Variants in PRKG1 observed in about 807,000 individuals in gnomAD.
PRKG1 encodes cGMP-dependent protein kinase 1.
PRKG1 carries 35 observed loss-of-function variants against 88.1 expected under a neutral mutation model. That is an observed-to-expected ratio of 0.40 (90% CI 0.30 to 0.53). The LOEUF (loss-of-function observed/expected upper bound fraction) is 0.53. Ranked by LOEUF, PRKG1 falls within the 20% of genes least tolerant of loss-of-function variation. The pLI is 0.59. For synonymous variants in PRKG1, 303 were observed against 292.5 expected (o/e 1.04, Z -0.37); for missense variants, 540 against 839.8 (o/e 0.64, Z 4.41).
In PRKG1 at chr10:50,991,648, G is replaced by C. The variant is rs570323102; in HGVS notation, c.266+4G>C. The C allele has an allele frequency of 1.3e-5, 19 of 1,506,124 alleles. No individual in the cohort carries two copies. The South Asian group carries it at 1.9e-4, about 15-fold the overall frequency. 93.3% of individuals were successfully genotyped at this position (1,506,124 alleles called of 1,614,324 possible). On this transcript the variant is annotated splice_donor_region_variant and intron_variant, in intron 1 of 17. Transcript: ENST00000401604. This position sits in a 1 kb window ranked among gnomAD's most constrained non-coding sequence, Gnocchi z 4.5. ...GGAAGTTCACCAAGTCCGAAAGGTA[G>C]GCGCGGAGGCCGTGGGCCCGGGCGC...
chr10:52,265,149 CT>C (rs1841539824), intron 10 of PRKG1, among the ~76,000 whole-genome samples: 1 of 152,020 alleles, frequency 6.6e-6, no homozygotes, highest in Non-Finnish European at 1.5e-5. Context: ...GAAAAGTGGT[CT>C]GAGGCCCAGT....
At chr10:51,157,970 T>C (rs1398412281) in intron 2 of PRKG1, among the ~76,000 whole-genome samples, 1 of 151,958 alleles carries the variant, frequency 6.6e-6, no homozygotes, top group Non-Finnish European at 1.5e-5. Context: ...ATCAGGGTAA[T>C]TGGCATATCC....
chr10:51,374,093 A>AAAAAAATATATATATATATATATAT, intron 2 of PRKG1, among the ~76,000 whole-genome samples: 117 of 100,106 alleles, frequency 1.2e-3, no homozygotes, highest in African/African-American at 2.9e-3. Context: ...AAAAAAAAAA[A>AAAAAAATATATATATATATATATAT]ATATATATAT....
In PRKG1 at chr10:51,265,904, G is replaced by T. The variant is rs879319886; in HGVS notation, c.478+112574G>T. On this transcript the variant is annotated intron_variant, in intron 2 of 17. Transcript: ENST00000373980. ...ACTCATTCATTTGGAAAATGATTGG[G>T]TGTATTTAAGGAACTACAGTTTGTT... Among the ~76,000 whole-genome samples the T allele has an allele frequency of 3.3e-5, 5 of 152,182 alleles. No individual in the cohort carries two copies. The South Asian group carries it at 6.2e-4, about 19-fold the overall frequency.
intron 3 of PRKG1, among the ~76,000 whole-genome samples, chr10:51,754,378 G>T (rs1443234431): frequency 6.6e-6 from 1 of 152,076 alleles, no homozygotes; most frequent in Non-Finnish European, 1.5e-5. Flanking sequence ...ACTTCTGCTG[G>T]TGACCTATCA....
intron 3 of PRKG1, among the ~76,000 whole-genome samples, chr10:51,602,551 G>A (rs983124151): frequency 6.6e-6 from 1 of 151,772 alleles, no homozygotes; most frequent in Admixed American, 6.6e-5. Context: ...TCAGCCTCGT[G>A]AGTAGCTGGA....
chr10:51,900,755 C>A (rs1841962429), intron 4 of PRKG1, among the ~76,000 whole-genome samples: 1 of 151,910 alleles, frequency 6.6e-6, no homozygotes, highest in Non-Finnish European at 1.5e-5. Context: ...AAATAGGCTG[C>A]CAAAACCCAT....
intron 3 of PRKG1, among the ~76,000 whole-genome samples, chr10:51,523,773 G>A (rs975282958): frequency 2.6e-5 from 4 of 152,178 alleles, no homozygotes; most frequent in Admixed American, 1.3e-4. Flanking sequence ...AAGCATTAAA[G>A]TGGAAAATAA....
At chr10:51,530,413 C>T (rs971608464) in intron 3 of PRKG1, among the ~76,000 whole-genome samples, 7 of 152,054 alleles carry the variant, frequency 4.6e-5, no homozygotes, top group Admixed American at 2.6e-4. Context: ...CTGCAACTCT[C>T]GGGTGGGCAA....
At chr10:52,088,439 C>T (rs1846970898) in intron 7 of PRKG1, among the ~76,000 whole-genome samples, 1 of 151,918 alleles carries the variant, frequency 6.6e-6, no homozygotes, top group Admixed American at 6.6e-5. Flanking sequence ...GTGTCCTCTT[C>T]AAAATCCATG....
intron 3 of PRKG1, among the ~76,000 whole-genome samples, chr10:51,679,275 A>G (rs1840786063): frequency 6.6e-6 from 1 of 152,038 alleles, no homozygotes; most frequent in Non-Finnish European, 1.5e-5. Flanking sequence ...GAAGTAACCT[A>G]TTGCTTTTTT....
intron 2 of PRKG1, among the ~76,000 whole-genome samples, chr10:51,301,371 A>G (rs1840880530): frequency 6.6e-6 from 1 of 152,152 alleles, no homozygotes; most frequent in African/African-American, 2.4e-5. Flanking sequence ...GAGGGAAAAA[A>G]AATGCCTAAA....
In PRKG1 at chr10:51,565,889, G is replaced by A. The variant is rs7904162; in HGVS notation, c.592+98053G>A. Among the ~76,000 whole-genome samples the A allele has an allele frequency of 2.6e-5, 4 of 152,092 alleles. No homozygotes were observed. In the East Asian group the frequency reaches 5.8e-4, roughly 22 times the overall value. On this transcript the variant is annotated intron_variant, in intron 3 of 17. Transcript: ENST00000373980. ...AGTAACTAACCCATTTGGGAAATAC[G>A]CAATAATGAAGTTGGCAGTGTTTTT... is the stretch of plus-strand genomic sequence containing the variant.
At chr10:51,741,689 A>C (rs77323591) in intron 3 of PRKG1, among the ~76,000 whole-genome samples, 2,083 of 151,626 alleles carry the variant, frequency 0.014, 23 homozygotes, top group Admixed American at 0.023. Context: ...TAGGAGGGGA[A>C]TATGGCTAGG....
At chr10:51,613,337 T>C (rs938743635) in intron 3 of PRKG1, among the ~76,000 whole-genome samples, 5 of 151,972 alleles carry the variant, frequency 3.3e-5, no homozygotes, top group African/African-American at 1.2e-4. Flanking sequence ...CTGGTGGTCT[T>C]TTGTATTTCT....
intron 3 of PRKG1, among the ~76,000 whole-genome samples, chr10:51,589,711 A>C (rs1233088456): frequency 6.6e-6 from 1 of 152,216 alleles, no homozygotes; most frequent in African/African-American, 2.4e-5. Context: ...ATGCACCTTC[A>C]CTTTCATTTT....
intron 1 of PRKG1, among the ~76,000 whole-genome samples, chr10:51,117,063 C>G (rs539691319): frequency 8.3e-4 from 127 of 152,256 alleles, no homozygotes; most frequent in African/African-American, 3.0e-3. Flanking sequence ...ATTTGTTCTG[C>G]TCTCTCTTAT....
intron 5 of PRKG1, among the ~76,000 whole-genome samples, chr10:52,005,277 A>G (rs1844703816): frequency 8.2e-6 from 1 of 121,978 alleles, no homozygotes; most frequent in Admixed American, 1.1e-4. Flanking sequence ...TTTTTCATTC[A>G]GTAGAGACGG....
At chr10:51,602,041 G>A (rs75266693) in intron 3 of PRKG1, among the ~76,000 whole-genome samples, 3 of 151,382 alleles carry the variant, frequency 2.0e-5, no homozygotes, top group Non-Finnish European at 2.9e-5. Context: ...ATGTCTCTTC[G>A]GCCCTTGTAA....
Sources: allele counts gnomAD v4.1 joint callset (sites outside exome capture counted in the v4.1 genomes callset), GRCh38; gene constraint gnomAD v4.1.1; non-coding constraint Gnocchi (gnomAD v3.1); transcripts MANE v1.5; gene names NCBI Gene and HGNC (gene_info 2026-07-23, HGNC 2026-07-21).